Variants in DIP2A observed in about 807,000 individuals in gnomAD.
The protein encoded by DIP2A is DIP2 acetate--CoA ligase A.
DIP2A carries 85 observed loss-of-function variants against 177.4 expected under a neutral mutation model. The observed-to-expected ratio is 0.48, with a 90% CI of 0.40 to 0.57. DIP2A has a LOEUF of 0.57. Ranked by LOEUF, DIP2A falls within the 20% of genes least tolerant of loss-of-function variation. The pLI is 0.00. For synonymous variants in DIP2A, 886 were observed against 881.8 expected, an observed-to-expected ratio of 1.00 and a Z score of -0.08; for missense variants, 1,791 against 2,100.2, an observed-to-expected ratio of 0.85 and a Z score of 2.88.
chr21:46,557,274 A>G lies in DIP2A; in HGVS notation c.3629+205A>G. The G allele has an allele frequency of 1.5e-6, 1 of 649,480 alleles. No homozygotes were observed. The highest frequency in any genetic ancestry group is 3.0e-5 in the Admixed American group (1 of 33,800). 40.2% of individuals were successfully genotyped at this position (649,480 alleles called of 1,614,324 possible). On this transcript the variant is annotated intron_variant, in intron 30 of 37. Coordinates refer to ENST00000417564, the MANE Select transcript of DIP2A (RefSeq NM_015151.4). The surrounding 1 kb of genome is among the most constrained non-coding windows in gnomAD (Gnocchi z 6.0). ...TTCATTAAATACACTGTCCGTTATC[A>G]GTACTTGGGAAGAATCTGCTTGATT...
At chr21:46,503,688 T>G (rs2057819756) in intron 5 of DIP2A, among the ~76,000 whole-genome samples, 2 of 149,936 alleles carry the variant, frequency 1.3e-5, no homozygotes, top group African/African-American at 2.5e-5. Context: ...TTTCTTTTCT[T>G]TCTTTCTTCT....
rs1192160663 is a variant in DIP2A, at chr21:46,558,413, G to T, written c.3969+20G>T. On this transcript the variant is annotated intron_variant, in intron 32 of 37. Transcript: ENST00000417564. ...CTCCAGGTGAGGTGCCTGGGGCTGCGGTTCTCGAAAGCTGGCTGTTGGCAG... is the reference window on the plus strand; with the variant it reads ...CTCCAGGTGAGGTGCCTGGGGCTGCTGTTCTCGAAAGCTGGCTGTTGGCAG... 6.4e-7 allele frequency: 1 copy of T among 1,560,650 alleles called. No individual in the cohort carries two copies.
chr21:46,528,589 A>C (rs28583333), intron 8 of DIP2A, among the ~76,000 whole-genome samples: 2 of 115,490 alleles, frequency 1.7e-5, no homozygotes, highest in African/African-American at 6.5e-5. Context: ...TTTATTGCCC[A>C]GGCTGGCTCT....
intron 8 of DIP2A, among the ~76,000 whole-genome samples, chr21:46,523,393 A>ATTTTTTTTTTTTTTTTTTTTT (rs61370008): frequency 4.4e-5 from 4 of 89,914 alleles, no homozygotes; most frequent in African/African-American, 9.4e-5. Flanking sequence ...CGCCTGGCTA[A>ATTTTTTTTTTTTTTTTTTTTT]TTTTTTTTTT....
At chr21:46,501,653 GCT>G (rs149635510) in intron 5 of DIP2A, among the ~76,000 whole-genome samples, 44 of 152,238 alleles carry the variant, frequency 2.9e-4, no homozygotes, top group Non-Finnish European at 4.7e-4. Context: ...GAACTCCTGG[GCT>G]CAAGTGATCC....
chr21:46,519,242 T>C (rs2058714390), intron 8 of DIP2A, among the ~76,000 whole-genome samples: 1 of 152,306 alleles, frequency 6.6e-6, no homozygotes, highest in East Asian at 1.9e-4. Context: ...GCCAGCTTCT[T>C]CACCACACAT....
intron 8 of DIP2A, among the ~76,000 whole-genome samples, chr21:46,521,958 A>AC (rs34580522): frequency 1 from 152,353 of 152,354 alleles, 76,176 homozygotes; most frequent in Non-Finnish European, 1. Context: ...CACATTTCAC[A>AC]CTTGCAGGTA....
rs2060477545 is a variant in DIP2A, at chr21:46,556,616, G to A, written c.3499-323G>A. The A allele has an allele frequency of 1.6e-5, 6 of 372,648 alleles. No individual in the cohort carries two copies. The highest frequency in any genetic ancestry group is 1.3e-4 in the South Asian group (6 of 45,716). 23.1% of individuals were successfully genotyped at this position (372,648 alleles called of 1,614,324 possible). On this transcript the variant is annotated intron_variant, in intron 29 of 37. Transcript: ENST00000417564. The surrounding 1 kb of genome is among the most constrained non-coding windows in gnomAD (Gnocchi z 4.5). ...GAGAATTGCTTGAACCCGGGAGGCA[G>A]AGGTTGCAGTGAGCCGAGATTGTGC...
intron 1 of DIP2A, among the ~76,000 whole-genome samples, chr21:46,470,002 A>C (rs971797687): frequency 2.0e-5 from 3 of 152,224 alleles, no homozygotes; most frequent in Non-Finnish European, 4.4e-5. Flanking sequence ...TAATCTTTTA[A>C]TGTATTATTT....
intron 20 of DIP2A, 27 bp from the exon 21 acceptor site, chr21:46,546,888 A>G: frequency 1.9e-6 from 3 of 1,611,800 alleles, no homozygotes; most frequent in Non-Finnish European, 2.5e-6. Flanking sequence ...GTGTGGGTGG[A>G]GTCTTGACGC....
At chr21:46,550,801 T>G (rs2060243348) in intron 23 of DIP2A, 57 bp downstream of exon 23, 2 of 1,573,848 alleles carry the variant, frequency 1.3e-6, no homozygotes, top group Non-Finnish European at 1.7e-6. Flanking sequence ...ACAGCGGTGC[T>G]TGTGGTTAGG....
chr21:46,562,752 C>G (rs764071687), intron 34 of DIP2A, among the ~76,000 whole-genome samples: 1 of 152,202 alleles, frequency 6.6e-6, no homozygotes, highest in Non-Finnish European at 1.5e-5. Context: ...TCCCCTGTTA[C>G]AGTCACTTCA....
Position 46,563,785 on chromosome 21 carries a change from T to G in DIP2A, c.4090-73T>G. 6.4e-7 allele frequency: 1 copy of G among 1,572,074 alleles called. No homozygotes were observed. Among genetic ancestry groups the G allele is most frequent in the Non-Finnish European group, 8.6e-7 (1 of 1,158,278 alleles). On this transcript the variant is annotated intron_variant, in intron 34 of 37. Coordinates refer to ENST00000417564, the MANE Select transcript of DIP2A (RefSeq NM_015151.4). The surrounding 1 kb of genome is among the most constrained non-coding windows in gnomAD (Gnocchi z 4.3). ...CAGGCCAGCTTCTGAGGGACGTTAT[T>G]TTAATGTCACTGAATCAAGAGAGTC...
intron 9 of DIP2A, among the ~76,000 whole-genome samples, chr21:46,531,722 T>G (rs2059364416): frequency 1.3e-5 from 2 of 152,212 alleles, no homozygotes; most frequent in Non-Finnish European, 2.9e-5. Flanking sequence ...TAACAAATTC[T>G]GTAAAAATAT....
At chr21:46,508,279 C>T (rs1019375507) in intron 6 of DIP2A, among the ~76,000 whole-genome samples, 7 of 150,612 alleles carry the variant, frequency 4.6e-5, no homozygotes, top group African/African-American at 9.8e-5. Flanking sequence ...TGGCCTCAAG[C>T]GATCCTCTCC....
At chr21:46,573,645 C>CAAAAAA (rs201994694), downstream of DIP2A, among the ~76,000 whole-genome samples, 67 of 52,956 alleles carry the variant, frequency 1.3e-3, 5 homozygotes, top group South Asian at 2.2e-3. Context: ...CCCTCTCTCA[C>CAAAAAA]AAAAAAAAAA....
intron 8 of DIP2A, among the ~76,000 whole-genome samples, chr21:46,524,865 CTTTTTGCTTTTTTTTTTTTTT>C (rs1402005081): frequency 1.4e-5 from 1 of 73,792 alleles, no homozygotes; most frequent in Non-Finnish European, 2.7e-5. Context: ...ATGATTTTTG[CTTTTTGCTTTTTTTTTTTTTT>C]TTTTTTTTTT....
chr21:46,459,685 T>C (rs1363302031), intron 1 of DIP2A, among the ~76,000 whole-genome samples: 5 of 148,946 alleles, frequency 3.4e-5, no homozygotes, highest in Non-Finnish European at 7.4e-5. Flanking sequence ...CAGGGACCAC[T>C]GCCCCGCCTC....
chr21:46,488,000 A>G (rs1350751372), intron 2 of DIP2A, among the ~76,000 whole-genome samples: 1 of 152,206 alleles, frequency 6.6e-6, no homozygotes, highest in Non-Finnish European at 1.5e-5. Flanking sequence ...TAGCCCATCA[A>G]TTTTTGAAAA....
Sources: allele counts gnomAD v4.1 joint callset (sites outside exome capture counted in the v4.1 genomes callset), GRCh38; gene constraint gnomAD v4.1.1; non-coding constraint Gnocchi (gnomAD v3.1); transcripts MANE v1.5; gene names NCBI Gene and HGNC (gene_info 2026-07-23, HGNC 2026-07-21).